Variants in SEC14L2 observed in about 807,000 individuals in gnomAD.
SEC14L2 encodes SEC14-like protein 2.
In SEC14L2, 50 loss-of-function variants were observed where a neutral mutation model predicts 56.9. The ratio of observed to expected loss-of-function variants is 0.88; its 90% CI spans 0.70 to 1.11. The LOEUF (loss-of-function observed/expected upper bound fraction) is 1.11. SEC14L2 is among the 50% of genes most tolerant of loss of function. SEC14L2 has a pLI of 0.00. For synonymous variants in SEC14L2, 179 were observed against 188.5 expected (o/e 0.95, Z 0.41); for missense variants, 414 against 500.7 (o/e 0.83, Z 1.65).
rs1337440659 is a variant in SEC14L2 at position 30,424,632 on chromosome 22, T to C, written c.*2225T>C. ...CGCTTAAGAGCTTGGTATAAGTAAG[T>C]GCTCGTCAATGTTGGCTACTCTCAT... On this transcript the variant is annotated 3_prime_UTR_variant, in exon 12 of 12. Coordinates refer to ENST00000615189, the MANE Select transcript of SEC14L2 (RefSeq NM_012429.5). 6.7e-6 allele frequency: 3 copies of C among 449,924 alleles called. No individual in the cohort carries two copies. Among genetic ancestry groups the C allele is most frequent in the Non-Finnish European group, 8.9e-6 (2 of 224,152 alleles). The allele number at this position is 449,924 out of a possible 1,614,324, so 27.9% of individuals were successfully genotyped here.
At chr22:30,408,183 C>A (rs1057271446) in intron 5 of SEC14L2, among the ~76,000 whole-genome samples, 2 of 151,424 alleles carry the variant, frequency 1.3e-5, no homozygotes, top group African/African-American at 4.9e-5. Flanking sequence ...TGTTATTTTT[C>A]TGATTTATAT....
chr22:30,417,971 G>A (rs929829354), intron 11 of SEC14L2, among the ~76,000 whole-genome samples: 6 of 152,080 alleles, frequency 3.9e-5, no homozygotes, highest in Non-Finnish European at 7.4e-5. Context: ...GGGTCCTGGG[G>A]GAGAAGGTGT....
intron 5 of SEC14L2, chr22:30,408,894 T>G: frequency 2.2e-6 from 1 of 463,140 alleles, no homozygotes; most frequent in Non-Finnish European, 4.0e-6. Context: ...ACACAGTGAC[T>G]CAGGAAGGGG....
chr22:30,420,188 G>A (rs1378598798), intron 11 of SEC14L2, among the ~76,000 whole-genome samples: 1 of 152,006 alleles, frequency 6.6e-6, no homozygotes, highest in Non-Finnish European at 1.5e-5. Context: ...CCCGGCCTCA[G>A]GTGATCCACC....
intron 8 of SEC14L2, among the ~76,000 whole-genome samples, chr22:30,411,250 G>A (rs1024145030): frequency 2.0e-5 from 3 of 151,280 alleles, no homozygotes; most frequent in African/African-American, 7.3e-5. Flanking sequence ...AACAGAGCAA[G>A]ACCTTGTTTT....
Position 30,423,759 on chromosome 22 carries a change from C to G in SEC14L2, c.*1352C>G, listed in dbSNP as rs1220169432. The G allele has an allele frequency of 6.6e-6, 1 of 152,336 alleles. No individual in the cohort carries two copies. Among genetic ancestry groups the G allele is most frequent in the African/African-American group, 2.4e-5 (1 of 41,478 alleles). The allele number at this position is 152,336 out of a possible 1,614,324, so 9.4% of individuals were successfully genotyped here. On this transcript the variant is annotated 3_prime_UTR_variant, in exon 12 of 12. Coordinates refer to ENST00000615189, the MANE Select transcript of SEC14L2 (RefSeq NM_012429.5). Reference sequence around the variant, plus strand: ...GGGCCGAGGCTGCACGGGCCTCTGCCAGAACGCTCAGGACATCCCGGCCTG... The same window carrying G: ...GGGCCGAGGCTGCACGGGCCTCTGCGAGAACGCTCAGGACATCCCGGCCTG...
chr22:30,416,437 C>G (rs1452565015), intron 11 of SEC14L2, 34 bp downstream of exon 11: 1 of 1,614,090 alleles, frequency 6.2e-7, no homozygotes, highest in Non-Finnish European at 8.5e-7. Context: ...GCCTTGAAGC[C>G]CCATGTCCAG....
rs1018500183 is a variant in SEC14L2 at position 30,397,162 on chromosome 22, T to C, written c.46T>C (p.Leu16=). The C allele has an allele frequency of 5.6e-5, 86 of 1,543,068 alleles. No homozygotes were observed. Among genetic ancestry groups the C allele is most frequent in the African/African-American group, 6.9e-5 (5 of 72,350 alleles). ...GDLSPRQKEA[L]AKFRENVQDV... ...TCTGAGCCCCAGGCAGAAGGAGGCATTGGCCAAGGTGAGCTGTAGCCCTGG... is the reference window on the plus strand; with the variant it reads ...TCTGAGCCCCAGGCAGAAGGAGGCACTGGCCAAGGTGAGCTGTAGCCCTGG... Residue 16 remains leucine (L), a synonymous_variant, in exon 1 of 12, where the codon TTG becomes CTG. Transcript: ENST00000615189.
rs560823426 is a variant in SEC14L2 at position 30,399,836 on chromosome 22, G to A, written c.130+118G>A. The A allele has an allele frequency of 3.6e-5, 27 of 749,594 alleles. 1 individual carries two copies. The South Asian group carries it at 4.6e-4, about 13-fold the overall frequency. 46.4% of individuals were successfully genotyped at this position (749,594 alleles called of 1,614,324 possible). On this transcript the variant is annotated intron_variant, in intron 2 of 11. Coordinates refer to ENST00000615189, the MANE Select transcript of SEC14L2 (RefSeq NM_012429.5). The stretch of plus-strand genomic sequence containing the variant: ...GCATCTAGAGTGTCCAACCTTTAGC[G>A]CCAAAGGGCCCTTGGCAATGACATA...
intron 1 of SEC14L2, chr22:30,398,784 GAA>G: frequency 4.2e-6 from 2 of 471,042 alleles, no homozygotes; most frequent in Non-Finnish European, 8.8e-6. Flanking sequence ...GACCATGGTG[GAA>G]AGAGTGTGTG....
At chr22:30,398,718 C>G (rs1046005021) in intron 1 of SEC14L2, 3 of 471,372 alleles carry the variant, frequency 6.4e-6, no homozygotes, top group Non-Finnish European at 1.3e-5. Context: ...CGTGTGAGAC[C>G]ACCTCTTTCT....
chr22:30,406,471 A>C, intron 3 of SEC14L2, 86 bp downstream of exon 3: 1 of 1,374,082 alleles, frequency 7.3e-7, no homozygotes, highest in Non-Finnish European at 1.0e-6. Flanking sequence ...TCCCATCCCA[A>C]TCACAGCTTT....
At chr22:30,411,930 G>A (rs1191844275) in intron 8 of SEC14L2, among the ~76,000 whole-genome samples, 3 of 152,224 alleles carry the variant, frequency 2.0e-5, no homozygotes, top group Non-Finnish European at 2.9e-5. Flanking sequence ...CCTAAGCTGC[G>A]TGCTATGGAA....
At chr22:30,410,512 G>A (rs775463144) in intron 7 of SEC14L2, 84 bp from the exon 8 acceptor site, 1 of 1,296,566 alleles carries the variant, frequency 7.7e-7, no homozygotes, top group Non-Finnish European at 1.1e-6. Context: ...GGGCTGGCAG[G>A]AGGGTAGCAG....
intron 5 of SEC14L2, among the ~76,000 whole-genome samples, chr22:30,407,909 C>T (rs1934143981): frequency 6.6e-6 from 1 of 151,954 alleles, no homozygotes; most frequent in Non-Finnish European, 1.5e-5. Flanking sequence ...GTGACATTTC[C>T]AAGTTTTAGA....
Position 30,422,849 on chromosome 22 carries a change from G to A in SEC14L2, c.*442G>A, listed in dbSNP as rs1349968101. The A allele has an allele frequency of 1.3e-5, 2 of 155,078 alleles. No individual in the cohort carries two copies. The highest frequency in any genetic ancestry group is 2.4e-5 in the African/African-American group (1 of 41,504). The allele number at this position is 155,078 out of a possible 1,614,324, so 9.6% of individuals were successfully genotyped here. On this transcript the variant is annotated 3_prime_UTR_variant, in exon 12 of 12. Coordinates refer to ENST00000615189, the MANE Select transcript of SEC14L2 (RefSeq NM_012429.5). ...CGCAATGAGGAGTAGCAGGGTAGCT[G>A]GTTGCTAGAGTTACGGTGGGGATCA...
chr22:30,400,763 C>T (rs1431273822), intron 2 of SEC14L2, among the ~76,000 whole-genome samples: 3 of 151,500 alleles, frequency 2.0e-5, no homozygotes, highest in African/African-American at 4.9e-5. Context: ...GGCATGGTGG[C>T]GGGCACCTGT....
Position 30,422,532 on chromosome 22 carries a change from C to G in SEC14L2, c.*125C>G. The G allele has an allele frequency of 8.0e-7, 1 of 1,242,292 alleles. No individual in the cohort carries two copies. Among genetic ancestry groups the G allele is most frequent in the Non-Finnish European group, 1.1e-6 (1 of 899,828 alleles). 77.0% of individuals were successfully genotyped at this position (1,242,292 alleles called of 1,614,324 possible). On this transcript the variant is annotated 3_prime_UTR_variant, in exon 12 of 12. Coordinates refer to ENST00000615189, the MANE Select transcript of SEC14L2 (RefSeq NM_012429.5). The stretch of plus-strand genomic sequence containing the variant: ...TGGGCTGGAGGACAGACCTCAGGAG[C>G]TTTCATTTCAGTTAGGCAGAGGAAG...
At chr22:30,409,380 G>A in intron 6 of SEC14L2, 46 bp from the exon 7 acceptor site, 1 of 1,608,916 alleles carries the variant, frequency 6.2e-7, no homozygotes, top group African/African-American at 1.3e-5. Context: ...GGCAATGGGG[G>A]CAGATTCTGA....
Sources: gnomAD v4.1 joint callset for allele counts (sites outside exome capture counted in the v4.1 genomes callset) on GRCh38, gnomAD v4.1.1 for gene constraint, MANE v1.5 for transcripts, NCBI Gene and HGNC (gene_info 2026-07-23, HGNC 2026-07-21) for gene names.